Variants in CNOT2 observed in about 807,000 individuals in gnomAD.
CNOT2 encodes CC chemokine receptor 4-negative regulator of transcription 2.
CNOT2 carries 7 observed loss-of-function variants against 72.1 expected under a neutral mutation model. That is an observed-to-expected ratio of 0.10 (90% CI 0.06 to 0.18). CNOT2 has a LOEUF of 0.18. Ranked by LOEUF, CNOT2 falls within the 10% of genes least tolerant of loss-of-function variation. The pLI, the probability that CNOT2 is intolerant of heterozygous loss-of-function variation, is 1.00. For synonymous variants in CNOT2, 196 were observed against 225.6 expected (o/e 0.87, Z 1.17); for missense variants, 345 against 660.3 (o/e 0.52, Z 5.23).
chr12:70,269,805 C>G (rs1014082861), intron 1 of CNOT2, among the ~76,000 whole-genome samples: 1 of 152,104 alleles, frequency 6.6e-6, no homozygotes, highest in African/African-American at 2.4e-5. Context: ...TATGTACCTT[C>G]TGCATTCAGT....
chr12:70,262,397 C>T (rs923256258), intron 1 of CNOT2, among the ~76,000 whole-genome samples: 4 of 151,964 alleles, frequency 2.6e-5, no homozygotes, highest in Admixed American at 1.3e-4. Context: ...CCTCAGCCTC[C>T]GAAGTAGCTG....
chr12:70,333,675 T>C (rs1308394022), intron 7 of CNOT2, among the ~76,000 whole-genome samples: 1 of 151,976 alleles, frequency 6.6e-6, no homozygotes, highest in African/African-American at 2.4e-5. Flanking sequence ...TTTGTAGCTA[T>C]GAGCTTTTAA....
intron 4 of CNOT2, chr12:70,327,507 A>G (rs1284723935): frequency 6.6e-6 from 1 of 151,810 alleles, no homozygotes; most frequent in East Asian, 1.9e-4. Context: ...TGGAGAAGTC[A>G]GTTAACTTAC....
At chr12:70,311,140 C>T (rs768985607) in intron 3 of CNOT2, 123 bp downstream of exon 3, 50 of 629,768 alleles carry the variant, frequency 7.9e-5, no homozygotes, top group Non-Finnish European at 1.3e-4. Flanking sequence ...CAGCACAGTG[C>T]TAGTCCCTTT....
chr12:70,325,432 A>G (rs955066903), intron 4 of CNOT2, among the ~76,000 whole-genome samples: 15 of 151,858 alleles, frequency 9.9e-5, no homozygotes. Flanking sequence ...ATTAACTACC[A>G]TTAAAAAATG....
At chr12:70,248,377 T>C (rs1385539891) in intron 1 of CNOT2, among the ~76,000 whole-genome samples, 1 of 152,200 alleles carries the variant, frequency 6.6e-6, no homozygotes, top group African/African-American at 2.4e-5. Flanking sequence ...TTTTGTTTTG[T>C]TTTGAATAAG....
intron 1 of CNOT2, among the ~76,000 whole-genome samples, chr12:70,272,069 CTTTT>C (rs1178319507): frequency 6.6e-6 from 1 of 152,132 alleles, no homozygotes; most frequent in Non-Finnish European, 1.5e-5. Context: ...GGTTGCTGGT[CTTTT>C]TCTTACTAGA....
intron 4 of CNOT2, among the ~76,000 whole-genome samples, chr12:70,327,129 C>T (rs894842912): frequency 3.3e-5 from 5 of 151,716 alleles, no homozygotes; most frequent in Non-Finnish European, 4.4e-5. Flanking sequence ...TAGGGCTTAA[C>T]GATTGTTAAA....
At chr12:70,278,582 G>C in intron 2 of CNOT2, 1 of 284,998 alleles carries the variant, frequency 3.5e-6, no homozygotes, top group South Asian at 6.5e-5. Flanking sequence ...AAAAACAAAA[G>C]TGTTGATTGC....
intron 1 of CNOT2, among the ~76,000 whole-genome samples, chr12:70,276,395 G>A (rs1279744464): frequency 6.6e-6 from 1 of 151,896 alleles, no homozygotes; most frequent in African/African-American, 2.4e-5. Flanking sequence ...TATTCTATAA[G>A]TACTGACTGA....
intron 2 of CNOT2, among the ~76,000 whole-genome samples, chr12:70,282,896 A>G (rs1870118397): frequency 6.6e-6 from 1 of 152,180 alleles, no homozygotes; most frequent in Non-Finnish European, 1.5e-5. Context: ...TAAGACCCTA[A>G]ACAATTTCCT....
chr12:70,315,960 T>G (rs1877261517), intron 3 of CNOT2, among the ~76,000 whole-genome samples: 1 of 152,186 alleles, frequency 6.6e-6, no homozygotes, highest in Non-Finnish European at 1.5e-5. Flanking sequence ...CTCACTCCTA[T>G]TAATGAGAGT....
Position 70,278,149 on chromosome 12 carries a change from G to C in CNOT2, c.-78G>C. The stretch of plus-strand genomic sequence containing the variant: ...CACTCTAGAGGGAGACGTGGTGGGC[G>C]GTCCTTCCTGTGACACGACCCTTGA... On this transcript the variant is annotated 5_prime_UTR_variant, in exon 2 of 16. Coordinates refer to ENST00000229195, the MANE Select transcript of CNOT2 (RefSeq NM_014515.7). 1 of 1,021,310 alleles carries C rather than the reference G, an allele frequency of 9.8e-7. No individual in the cohort carries two copies. 63.3% of individuals were successfully genotyped at this position (1,021,310 alleles called of 1,614,324 possible). A position where few individuals can be genotyped will look rare whatever the true frequency, so the allele number is the denominator to read the frequency against.
chr12:70,345,175 T>A (rs939487944), intron 14 of CNOT2: 3 of 152,214 alleles, frequency 2.0e-5, no homozygotes, highest in Non-Finnish European at 2.9e-5. Context: ...TATTAGTAAT[T>A]ATTTATGACC....
intron 2 of CNOT2, among the ~76,000 whole-genome samples, chr12:70,291,162 T>C (rs1871834719): frequency 6.6e-6 from 1 of 152,182 alleles, no homozygotes; most frequent in African/African-American, 2.4e-5. Context: ...ATAGATACAG[T>C]GGTCATTCAT....
intron 1 of CNOT2, among the ~76,000 whole-genome samples, chr12:70,272,043 T>G (rs1959301873): frequency 6.6e-6 from 1 of 152,216 alleles, no homozygotes; most frequent in African/African-American, 2.4e-5. Flanking sequence ...GAACTAACTT[T>G]TAAAATTAAC....
At chr12:70,271,209 A>G (rs1027686155) in intron 1 of CNOT2, among the ~76,000 whole-genome samples, 1 of 152,038 alleles carries the variant, frequency 6.6e-6, no homozygotes, top group Non-Finnish European at 1.5e-5. Flanking sequence ...TGATATAACA[A>G]CACCTATTGG....
At chr12:70,282,785 T>C (rs1870092764) in intron 2 of CNOT2, among the ~76,000 whole-genome samples, 1 of 152,228 alleles carries the variant, frequency 6.6e-6, no homozygotes, top group African/African-American at 2.4e-5. Flanking sequence ...TTTCAGTATA[T>C]TGAGGTACAT....
chr12:70,265,027 A>T (rs1425096952), intron 1 of CNOT2, among the ~76,000 whole-genome samples: 1 of 151,846 alleles, frequency 6.6e-6, no homozygotes, highest in Non-Finnish European at 1.5e-5. Context: ...CATTTTATTG[A>T]ATTTGATTTG....
Sources: gnomAD v4.1 joint callset for allele counts (sites outside exome capture counted in the v4.1 genomes callset) on GRCh38, gnomAD v4.1.1 for gene constraint, MANE v1.5 for transcripts, NCBI Gene and HGNC (gene_info 2026-07-23, HGNC 2026-07-21) for gene names.